The following ME1 variants were observed in gnomAD, a reference collection of about 807,000 sequenced individuals.
ME1 encodes the protein NADP-dependent malic enzyme.
Under a neutral mutation model 66.4 loss-of-function variants are expected in ME1, and 74 were observed. The observed-to-expected ratio is 1.11, with a 90% CI of 0.92 to 1.35. The LOEUF is 1.35. Among genes scored for constraint, ME1 ranks in the 40% most tolerant of loss-of-function variants. ME1 has a pLI of 0.00. For missense variants in ME1, 750 were observed against 694.1 expected (o/e 1.08, Z -0.90); for synonymous variants, 251 against 235.6 (o/e 1.07, Z -0.60).
At chr6:83,415,160 G>T (rs1770135127) in intron 1 of ME1, among the ~76,000 whole-genome samples, 1 of 152,154 alleles carries the variant, frequency 6.6e-6, no homozygotes, top group Non-Finnish European at 1.5e-5. Context: ...GAACCAGAAA[G>T]ATCAGAATTA....
Position 83,262,294 on chromosome 6 carries a change from T to C in ME1, c.705-8556A>G, listed in dbSNP as rs962547484. The stretch of plus-strand genomic sequence containing the variant: ...AGAAGCTTTGGCTCTAAAGGACTTA[T>C]CTGTGCTTCAACATACCACTGTATT... On this transcript the variant is annotated intron_variant, in intron 6 of 13. Transcript: ENST00000369705. 3.3e-5 allele frequency among the ~76,000 whole-genome samples: 5 copies of C among 152,148 alleles called. No individual in the cohort carries two copies. The South Asian group carries it at 8.3e-4, about 25-fold the overall frequency.
At chr6:83,403,389 T>C (rs1056779585) in intron 2 of ME1, among the ~76,000 whole-genome samples, 12 of 152,170 alleles carry the variant, frequency 7.9e-5, no homozygotes, top group Non-Finnish European at 1.5e-4. Flanking sequence ...GCCAGCAGAT[T>C]CTGAGCCTGA....
Position 83,349,015 on chromosome 6 carries a change from A to AAAAAAAAC in ME1, c.439-2682_439-2681insGTTTTTTT, listed in dbSNP as rs746037012. On this transcript the variant is annotated intron_variant, in intron 4 of 13. Transcript: ENST00000369705. ...AAAAAAAAAAAACAAAAAACAAAAAACAGTGCATTCTTTCTTATTTCTTCA... is the reference window on the plus strand; with the variant it reads ...AAAAAAAAAAAACAAAAAACAAAAAAAAAAAAACCAGTGCATTCTTTCTTATTTCTTCA... 5.3e-3 allele frequency among the ~76,000 whole-genome samples: 661 copies of AAAAAAAAC among 123,944 alleles called. 70 individuals carry two copies. The highest frequency in any genetic ancestry group is 0.019 in the African/African-American group (615 of 32,164). The allele number at this position is 123,944 out of a possible 152,430, so 81.3% of individuals were successfully genotyped here. A position where few individuals can be genotyped will look rare whatever the true frequency, so the allele number is the denominator to read the frequency against.
intron 9 of ME1, among the ~76,000 whole-genome samples, chr6:83,235,689 G>A (rs9449596): frequency 0.1 from 15,532 of 151,840 alleles, 1,036 homozygotes; most frequent in East Asian, 0.25. Context: ...AGCCAGGATG[G>A]TCTCGATCTC....
rs528527543 is a variant in ME1, at chr6:83,414,603, T to C, written c.79-6702A>G. On this transcript the variant is annotated intron_variant, in intron 1 of 13. Coordinates refer to ENST00000369705, the MANE Select transcript of ME1 (RefSeq NM_002395.6). ...TTTGTGATTTAAATGACATGTTTGCTTAAATTTTTTTTTAAAAAAAGAAAG... is the reference window on the plus strand; with the variant it reads ...TTTGTGATTTAAATGACATGTTTGCCTAAATTTTTTTTTAAAAAAAGAAAG... Among the ~76,000 whole-genome samples, 3 of 152,236 alleles carry C rather than the reference T, an allele frequency of 2.0e-5. 1 individual carries two copies. Among genetic ancestry groups the C allele is most frequent in the South Asian group, 4.1e-4 (2 of 4,828 alleles).
At chr6:83,250,963 G>T (rs1321513176) in intron 7 of ME1, among the ~76,000 whole-genome samples, 1 of 152,186 alleles carries the variant, frequency 6.6e-6, no homozygotes, top group Non-Finnish European at 1.5e-5. Context: ...AGTGGGCATG[G>T]CTTTGTTGCA....
intron 7 of ME1, among the ~76,000 whole-genome samples, chr6:83,241,159 T>G (rs1790502012): frequency 6.6e-6 from 1 of 152,064 alleles, no homozygotes; most frequent in African/African-American, 2.4e-5. Flanking sequence ...GAATTTAAAC[T>G]AGAAAGAGAG....
intron 4 of ME1, 80 bp downstream of exon 4, chr6:83,351,984 A>T: frequency 1.3e-6 from 1 of 766,756 alleles, no homozygotes. Context: ...TTATCATGAG[A>T]ATTGTCAGTA....
intron 3 of ME1, among the ~76,000 whole-genome samples, chr6:83,363,487 G>T (rs1302287435): frequency 1.3e-5 from 2 of 152,182 alleles, no homozygotes; most frequent in African/African-American, 4.8e-5. Context: ...TGTGATTAAG[G>T]TCAATGAGAA....
rs76909563 is a variant in ME1, at chr6:83,281,158, C to T, written c.705-27420G>A. Among the ~76,000 whole-genome samples the T allele has an allele frequency of 2.4e-3, 365 of 152,254 alleles. 3 individuals carry two copies. Among genetic ancestry groups the T allele is most frequent in the African/African-American group, 8.3e-3 (346 of 41,564 alleles). On this transcript the variant is annotated intron_variant, in intron 6 of 13. Transcript: ENST00000369705. Reference sequence around the variant, plus strand: ...TAAACCATTCCCTTGTGAAAAAATACTTCAAAGCTTTTCAAATATATATGC... The same window carrying T: ...TAAACCATTCCCTTGTGAAAAAATATTTCAAAGCTTTTCAAATATATATGC...
chr6:83,401,154 A>G (rs1389583771), intron 2 of ME1, among the ~76,000 whole-genome samples: 1 of 152,086 alleles, frequency 6.6e-6, no homozygotes, highest in African/African-American at 2.4e-5. Context: ...TTGTATTACT[A>G]TTTACAAAAT....
chr6:83,369,373 C>T (rs1769153182), intron 3 of ME1, among the ~76,000 whole-genome samples: 1 of 152,036 alleles, frequency 6.6e-6, no homozygotes, highest in African/African-American at 2.4e-5. Context: ...AGGGTTTTGG[C>T]CTAACAGATT....
At position 83,351,475 on chromosome 6, in the gene ME1, C is replaced by G. The variant is rs367781325; in HGVS notation, c.438+589G>C. ...CTAAGAACAGGGACTCAGAGGCCAG[C>G]TCTGGGGCCTGCATGCAGTTCCCAC... On this transcript the variant is annotated intron_variant, in intron 4 of 13. Coordinates refer to ENST00000369705, the MANE Select transcript of ME1 (RefSeq NM_002395.6). Among the ~76,000 whole-genome samples the G allele has an allele frequency of 3.6e-4, 55 of 152,312 alleles. No homozygotes were observed. The East Asian group carries it at 8.7e-3, about 24-fold the overall frequency.
At chr6:83,398,263 T>G (rs1769777023) in intron 3 of ME1, 104 bp downstream of exon 3, 13 of 825,094 alleles carry the variant, frequency 1.6e-5, no homozygotes, top group Admixed American at 3.5e-5. Context: ...TATATGCAAT[T>G]TTATTGTCAA....
At chr6:83,213,373 G>A (rs890777824) in intron 13 of ME1, among the ~76,000 whole-genome samples, 2 of 150,554 alleles carry the variant, frequency 1.3e-5, no homozygotes, top group African/African-American at 4.9e-5. Flanking sequence ...GCAGTGAGCC[G>A]AGATCACACC....
intron 6 of ME1, among the ~76,000 whole-genome samples, chr6:83,301,024 C>G (rs1767705196): frequency 6.6e-6 from 1 of 152,016 alleles, no homozygotes; most frequent in East Asian, 1.9e-4. Flanking sequence ...GGAAGGGGAA[C>G]ATCACACACC....
rs990782527 is a variant in ME1, at chr6:83,375,322, G to T, written c.362+23045C>A. 2.0e-5 allele frequency among the ~76,000 whole-genome samples: 3 copies of T among 152,100 alleles called. No homozygotes were observed. The East Asian group carries it at 5.8e-4, about 29-fold the overall frequency. Reference sequence around the variant, plus strand: ...AAGAGGTCCTTCGCATCCCTTGTTAGCTGTATTCCCGGGTATTTTATTCTT... The same window carrying T: ...AAGAGGTCCTTCGCATCCCTTGTTATCTGTATTCCCGGGTATTTTATTCTT... On this transcript the variant is annotated intron_variant, in intron 3 of 13. Coordinates refer to ENST00000369705, the MANE Select transcript of ME1 (RefSeq NM_002395.6).
chr6:83,347,458 C>T (rs1768710475), intron 4 of ME1, among the ~76,000 whole-genome samples: 1 of 152,052 alleles, frequency 6.6e-6, no homozygotes, highest in Non-Finnish European at 1.5e-5. Context: ...TTCAGAGAAA[C>T]GTGGGAATAT....
In ME1 at chr6:83,407,916, C is replaced by T; in HGVS notation, c.79-15G>A. ...AAGGCCAAGTCCTATAGAGAAAAAA[C>T]ACACACACACACACAACAGTATTTG... On this transcript the variant is annotated splice_polypyrimidine_tract_variant and intron_variant, in intron 1 of 13. Coordinates refer to ENST00000369705, the MANE Select transcript of ME1 (RefSeq NM_002395.6). The T allele has an allele frequency of 7.2e-7, 1 of 1,381,862 alleles. No individual in the cohort carries two copies. Among genetic ancestry groups the T allele is most frequent in the South Asian group, 1.5e-5 (1 of 68,700 alleles). 85.6% of individuals were successfully genotyped at this position (1,381,862 alleles called of 1,614,324 possible). A position where few individuals can be genotyped will look rare whatever the true frequency, so the allele number is the denominator to read the frequency against.
Sources: allele counts gnomAD v4.1 joint callset (sites outside exome capture counted in the v4.1 genomes callset), GRCh38; gene constraint gnomAD v4.1.1; transcripts MANE v1.5; gene names NCBI Gene and HGNC (gene_info 2026-07-23, HGNC 2026-07-21).